Variants in ACSF3 observed in about 807,000 individuals in gnomAD.
The protein encoded by ACSF3 is malonate--CoA ligase ACSF3, mitochondrial.
ACSF3 carries 78 observed loss-of-function variants against 53.2 expected under a neutral mutation model. The ratio of observed to expected loss-of-function variants is 1.47; its 90% CI spans 1.22 to 1.77. The LOEUF (loss-of-function observed/expected upper bound fraction) is 1.77, where lower values mean the gene tolerates loss of function less well. Among genes scored for constraint, ACSF3 ranks in the 40% most tolerant of loss-of-function variants. The pLI is 0.00. For missense variants in ACSF3, 937 were observed against 771.1 expected, an observed-to-expected ratio of 1.22 and a Z score of -2.55; for synonymous variants, 414 against 333.1, an observed-to-expected ratio of 1.24 and a Z score of -2.65.
At chr16:89,138,000 G>A (rs962318996) in intron 8 of ACSF3, among the ~76,000 whole-genome samples, 3 of 152,190 alleles carry the variant, frequency 2.0e-5, no homozygotes, top group African/African-American at 7.2e-5. Context: ...CTTACATCTG[G>A]GCCAGTGGCA....
intron 5 of ACSF3, 164 bp from the exon 6 acceptor site, chr16:89,114,175 G>A (rs1904611439): frequency 1.2e-6 from 1 of 859,942 alleles, no homozygotes; most frequent in African/African-American, 1.7e-5. Context: ...TTGGTCCCGG[G>A]TGTCGCACAG....
chr16:89,150,615 C>A (rs1913909518), intron 10 of ACSF3: 2 of 245,526 alleles, frequency 8.1e-6, no homozygotes, highest in Admixed American at 5.1e-5. Context: ...GTGACAAGAC[C>A]CTAAGACGGG....
chr16:89,134,016 C>T (rs1330411916), intron 8 of ACSF3, among the ~76,000 whole-genome samples: 1 of 152,218 alleles, frequency 6.6e-6, no homozygotes, highest in African/African-American at 2.4e-5. Context: ...CAGGATCCCA[C>T]ATCCCGCCCC....
At chr16:89,126,516 G>T (rs536799744) in intron 7 of ACSF3, among the ~76,000 whole-genome samples, 1 of 152,090 alleles carries the variant, frequency 6.6e-6, no homozygotes, top group Non-Finnish European at 1.5e-5. Context: ...TGATCTGCCC[G>T]CCTCGGCCTC....
In ACSF3 at chr16:89,133,054, G is replaced by C. The variant is rs576277452; in HGVS notation, c.1240-82G>C. 257 of 1,602,350 alleles carry C rather than the reference G, an allele frequency of 1.6e-4. No homozygotes were observed. In the East Asian group the frequency reaches 5.5e-3, roughly 34 times the overall value. On this transcript the variant is annotated intron_variant, in intron 7 of 10. Coordinates refer to ENST00000614302, the MANE Select transcript of ACSF3 (RefSeq NM_001243279.3). ...GCCCTGGGTGGGCCCTGGGTGGGCA[G>C]GGAGCAGCCCACAGTTTCAGAAAGC...
chr16:89,112,505 G>A (rs1456711291), intron 5 of ACSF3, among the ~76,000 whole-genome samples: 1 of 151,876 alleles, frequency 6.6e-6, no homozygotes, highest in East Asian at 1.9e-4. Context: ...GTCACACTCT[G>A]TCTCTCTATC....
At chr16:89,136,467 G>T (rs1461379538) in intron 8 of ACSF3, 2 of 1,194,924 alleles carry the variant, frequency 1.7e-6, no homozygotes, top group African/African-American at 3.2e-5. Context: ...CCTGCAATCA[G>T]CTCACAGCTG....
intron 4 of ACSF3, among the ~76,000 whole-genome samples, chr16:89,106,402 C>T (rs916146514): frequency 5.9e-5 from 9 of 151,832 alleles, no homozygotes; most frequent in African/African-American, 1.9e-4. Context: ...AAGCGATTCT[C>T]CTGCCTCAGC....
rs1914486406 is a variant in ACSF3, at chr16:89,154,364, G to A, written c.*157G>A. On this transcript the variant is annotated 3_prime_UTR_variant, in exon 11 of 11. Transcript: ENST00000614302. ...GAACTGTTTGGGATGAAATCACCAT[G>A]TGGGGTCCCCAGCCTCGGGCCAGTT... 1 of 768,970 alleles carries A rather than the reference G, an allele frequency of 1.3e-6. No individual in the cohort carries two copies. The highest frequency in any genetic ancestry group is 1.7e-5 in the African/African-American group (1 of 58,274). The allele number at this position is 768,970 out of a possible 1,614,324, so 47.6% of individuals were successfully genotyped here. A position where few individuals can be genotyped will look rare whatever the true frequency, so the allele number is the denominator to read the frequency against.
intron 8 of ACSF3, 80 bp downstream of exon 8, chr16:89,133,342 C>T (rs532007657): frequency 1.0e-5 from 16 of 1,587,872 alleles, no homozygotes; most frequent in South Asian, 5.6e-5. Context: ...TGAGTGACAC[C>T]GAGGCTGGGA....
At chr16:89,105,436 C>T (rs909630350) in intron 4 of ACSF3, among the ~76,000 whole-genome samples, 2 of 152,160 alleles carry the variant, frequency 1.3e-5, no homozygotes, top group African/African-American at 2.4e-5. Flanking sequence ...GTGAGTTCCC[C>T]GTGAGTGCAC....
At chr16:89,120,214 G>C (rs1002177905) in intron 6 of ACSF3, among the ~76,000 whole-genome samples, 5 of 152,240 alleles carry the variant, frequency 3.3e-5, no homozygotes, top group African/African-American at 1.2e-4. Flanking sequence ...TGTGCAGGTG[G>C]GATGGATACA....
chr16:89,098,311 C>A (rs1974857417), intron 1 of ACSF3, among the ~76,000 whole-genome samples: 1 of 152,170 alleles, frequency 6.6e-6, no homozygotes, highest in Non-Finnish European at 1.5e-5. Flanking sequence ...AGTAGCTTTC[C>A]CCTCACAAGT....
chr16:89,125,698 A>AAAG (rs373857710), intron 7 of ACSF3, among the ~76,000 whole-genome samples: 4 of 147,894 alleles, frequency 2.7e-5, no homozygotes, highest in Non-Finnish European at 6.0e-5. Context: ...CAAAAAAAAA[A>AAAG]AGAGAGAGAG....
chr16:89,114,474 C>G lies in ACSF3; in HGVS notation c.1113C>G (p.Ala371=), dbSNP rs201792144. ...CTCTGTCCGGGCCCCTGACCACTGC[C>G]GTGCGCCTGCCAGGTACGAGCACTT... ...GMALSGPLTT[A]VRLPGSVGTP... Residue 371 remains alanine, a synonymous_variant, in exon 6 of 11, where the codon GCC becomes GCG. Coordinates refer to ENST00000614302, the MANE Select transcript of ACSF3 (RefSeq NM_001243279.3). 1 of 1,612,854 alleles carries G rather than the reference C, an allele frequency of 6.2e-7. No individual in the cohort carries two copies. Among genetic ancestry groups the G allele is most frequent in the South Asian group, 1.1e-5 (1 of 91,074 alleles).
At chr16:89,140,695 C>G (rs1029874380) in intron 8 of ACSF3, among the ~76,000 whole-genome samples, 1 of 152,204 alleles carries the variant, frequency 6.6e-6, no homozygotes, top group East Asian at 1.9e-4. Flanking sequence ...CAGGACATCC[C>G]CCCGGCCAGG....
At chr16:89,147,755 C>G (rs1913377362) in intron 10 of ACSF3, 1 of 152,180 alleles carries the variant, frequency 6.6e-6, no homozygotes, top group African/African-American at 2.4e-5. Flanking sequence ...GGACACAGAT[C>G]CAAACCATAT....
At chr16:89,153,994 G>C (rs1914428670) in intron 10 of ACSF3, 96 bp from the exon 11 acceptor site, 1 of 1,305,492 alleles carries the variant, frequency 7.7e-7, no homozygotes, top group East Asian at 2.4e-5. Flanking sequence ...AAGGCTGCAG[G>C]GTCCCAGGGG....
intron 1 of ACSF3, among the ~76,000 whole-genome samples, chr16:89,096,453 G>C (rs367887568): frequency 1.3e-5 from 2 of 152,164 alleles, no homozygotes; most frequent in Non-Finnish European, 2.9e-5. Context: ...CTGCGTGTTC[G>C]AGGCAGGGCT....
Sources: allele counts gnomAD v4.1 joint callset (sites outside exome capture counted in the v4.1 genomes callset), GRCh38; gene constraint gnomAD v4.1.1; transcripts MANE v1.5; gene names NCBI Gene and HGNC (gene_info 2026-07-23, HGNC 2026-07-21).